The following ANKRD26 variants were observed in gnomAD, a reference collection of about 807,000 sequenced individuals.
ANKRD26 encodes ankyrin repeat domain-containing protein 26.
Under a neutral mutation model 208.7 loss-of-function variants are expected in ANKRD26, and 141 were observed. The observed-to-expected ratio is 0.68, with a 90% CI of 0.59 to 0.78. The LOEUF (loss-of-function observed/expected upper bound fraction) is 0.78. ANKRD26 is among the 30% of genes least tolerant of loss of function. The pLI is 0.00. For synonymous variants in ANKRD26, 636 were observed against 660.4 expected, an observed-to-expected ratio of 0.96 and a Z score of 0.57; for missense variants, 1,889 against 1,938.7, an observed-to-expected ratio of 0.97 and a Z score of 0.48.
intron 11 of ANKRD26, 146 bp from the exon 12 acceptor site, chr10:27,064,227 C>T: frequency 1.5e-6 from 1 of 656,068 alleles, no homozygotes. Context: ...TATTGAAAAC[C>T]AAAACATTTC....
intron 25 of ANKRD26, among the ~76,000 whole-genome samples, chr10:27,030,055 T>C (rs1466380736): frequency 1.3e-5 from 2 of 152,194 alleles, no homozygotes; most frequent in African/African-American, 4.8e-5. Flanking sequence ...CTTAGATGAG[T>C]ACATGGCATA....
At chr10:26,965,343 C>T in the ANKRD26 span, among the ~76,000 whole-genome samples, 2 of 152,178 alleles carry the variant, frequency 1.3e-5, no homozygotes, top group Non-Finnish European at 2.9e-5. Context: ...CTACAACTAT[C>T]TGATCTTTGA....
intron 20 of ANKRD26, among the ~76,000 whole-genome samples, chr10:27,042,790 A>C (rs1283912674): frequency 1.4e-5 from 2 of 143,216 alleles, no homozygotes; most frequent in Non-Finnish European, 3.0e-5. Flanking sequence ...AAAACAAACA[A>C]AAAAATACAA....
At chr10:27,002,639 T>G (rs946294520), downstream of ANKRD26, among the ~76,000 whole-genome samples, 6 of 152,186 alleles carry the variant, frequency 3.9e-5, no homozygotes, top group African/African-American at 1.4e-4. Flanking sequence ...AAGAAAGGAA[T>G]GAATGAATGC....
the ANKRD26 span, among the ~76,000 whole-genome samples, chr10:26,966,303 A>T: frequency 6.6e-6 from 1 of 152,238 alleles, no homozygotes; most frequent in Non-Finnish European, 1.5e-5. Flanking sequence ...ATGCAGCCAT[A>T]AAAAGGAATG....
intron 5 of ANKRD26, among the ~76,000 whole-genome samples, chr10:26,977,202 T>A (rs1038369640): frequency 6.6e-6 from 1 of 152,208 alleles, no homozygotes; most frequent in Non-Finnish European, 1.5e-5. Flanking sequence ...GAACTTTTTG[T>A]GCATCCCAAA....
chr10:26,961,872 AG>A, the ANKRD26 span, among the ~76,000 whole-genome samples: 2,741 of 152,322 alleles, frequency 0.018, 39 homozygotes, highest in Non-Finnish European at 0.028. Context: ...TGGAACTGGA[AG>A]GCCTATGTTC....
intron 20 of ANKRD26, among the ~76,000 whole-genome samples, chr10:27,042,798 C>CAAAAAAAAA (rs60850386): frequency 4.1e-4 from 20 of 48,948 alleles, no homozygotes; most frequent in Middle Eastern, 0.017. Flanking sequence ...CAAAAAAATA[C>CAAAAAAAAA]AAAAAAAAAA....
chr10:26,953,391 C>G, the ANKRD26 span, among the ~76,000 whole-genome samples: 1 of 152,154 alleles, frequency 6.6e-6, no homozygotes, highest in Non-Finnish European at 1.5e-5. Flanking sequence ...GCGATCGTGC[C>G]ACTGCTCTCC....
downstream of ANKRD26, among the ~76,000 whole-genome samples, chr10:26,999,917 C>T (rs894096595): frequency 2.0e-5 from 3 of 151,666 alleles, no homozygotes; most frequent in African/African-American, 4.9e-5. Context: ...TCTGAGAACT[C>T]GAATTGTAAG....
chr10:27,037,216 A>C lies in ANKRD26; in HGVS notation c.2667T>G (p.Ile889Met). Residue 889 changes from isoleucine to methionine, a missense_variant, in exon 23 of 34, where the codon ATT (isoleucine) becomes ATG (methionine). Transcript: ENST00000376087. ...LTNHLSKQKE[I>M]EMAQKKMNSE... is the part of the protein sequence containing the mutation. The stretch of plus-strand genomic sequence containing the variant: ...AATTCATTTTCTTTTGAGCCATTTC[A>C]ATCTCCTTTTGTTTGGAAAGGTGAT... The C allele has an allele frequency of 6.2e-7, 1 of 1,613,748 alleles. No homozygotes were observed. Among genetic ancestry groups the C allele is most frequent in the South Asian group, 1.1e-5 (1 of 91,058 alleles).
intron 15 of ANKRD26, among the ~76,000 whole-genome samples, chr10:27,056,138 G>A (rs2054830294): frequency 1.3e-5 from 2 of 152,132 alleles, no homozygotes; most frequent in Non-Finnish European, 2.9e-5. Flanking sequence ...GGTTACATAA[G>A]GAGAATAAAC....
intron 3 of ANKRD26, among the ~76,000 whole-genome samples, chr10:26,982,968 A>G (rs1028843538): frequency 1.3e-5 from 2 of 152,182 alleles, no homozygotes; most frequent in African/African-American, 4.8e-5. Flanking sequence ...CTGGGTTTTT[A>G]TGTCAGTCAT....
At chr10:27,051,336 T>A (rs1353553780) in intron 16 of ANKRD26, 1 of 1,262,948 alleles carries the variant, frequency 7.9e-7, no homozygotes, top group Non-Finnish European at 1.0e-6. Flanking sequence ...AGAAATACTA[T>A]GCCTTTTTAT....
At chr10:27,029,153 T>C (rs1395431841) in intron 26 of ANKRD26, 133 bp downstream of exon 26, 1 of 1,187,426 alleles carries the variant, frequency 8.4e-7, no homozygotes, top group African/African-American at 1.5e-5. Flanking sequence ...CATTTCAAAA[T>C]TGCTTAATGC....
intron 5 of ANKRD26, among the ~76,000 whole-genome samples, chr10:27,084,270 T>C (rs565586526): frequency 6.6e-6 from 1 of 150,868 alleles, no homozygotes; most frequent in Non-Finnish European, 1.5e-5. Flanking sequence ...TTCTGTAACG[T>C]TAGAAAAATG....
chr10:26,955,061 A>T, the ANKRD26 span, among the ~76,000 whole-genome samples: 1 of 151,380 alleles, frequency 6.6e-6, no homozygotes, highest in African/African-American at 2.4e-5. Flanking sequence ...TGTGTGCCTG[A>T]TGGATTTTGG....
downstream of ANKRD26, among the ~76,000 whole-genome samples, chr10:26,987,979 C>T (rs1217090401): frequency 2.0e-5 from 3 of 152,116 alleles, no homozygotes; most frequent in Admixed American, 6.6e-5. Context: ...GCCCAGGTGC[C>T]GTTTCTCCAC....
intron 6 of ANKRD26, among the ~76,000 whole-genome samples, chr10:27,082,077 G>GAAAAA (rs2055941767): frequency 1.1e-4 from 2 of 17,692 alleles, no homozygotes; most frequent in South Asian, 2.3e-3. Flanking sequence ...AAAAAAAAGG[G>GAAAAA]AGAGAGAGAA....
Sources: gnomAD v4.1 joint callset for allele counts (sites outside exome capture counted in the v4.1 genomes callset) on GRCh38, gnomAD v4.1.1 for gene constraint, MANE v1.5 for transcripts, NCBI Gene and HGNC (gene_info 2026-07-23, HGNC 2026-07-21) for gene names.